PRSS36: variants seen among roughly 807,000 people sequenced by gnomAD.
PRSS36 encodes serine protease 36, also known as polyserase-2.
In PRSS36, 90 loss-of-function variants were observed where a neutral mutation model predicts 94.3. The observed-to-expected ratio is 0.95, with a 90% CI of 0.80 to 1.14. The LOEUF (loss-of-function observed/expected upper bound fraction) is 1.14, where lower values mean the gene tolerates loss of function less well. Among genes scored for constraint, PRSS36 ranks in the 50% most tolerant of loss-of-function variants. The pLI is 0.00. For missense variants in PRSS36, 1,158 were observed against 1,135.0 expected (o/e 1.02, Z -0.29); for synonymous variants, 500 against 489.6 (o/e 1.02, Z -0.28).
intron 14 of PRSS36, among the ~76,000 whole-genome samples, chr16:31,139,757 G>A (rs1053894013): frequency 6.6e-6 from 1 of 151,748 alleles, no homozygotes; most frequent in Non-Finnish European, 1.5e-5. Flanking sequence ...GTGCATGCTT[G>A]TAATCCCAGC....
Position 31,149,279 on chromosome 16 carries a change from C to T in PRSS36, c.110-44G>A, listed in dbSNP as rs201688771. On this transcript the variant is annotated intron_variant, in intron 3 of 14. Coordinates refer to ENST00000268281, the MANE Select transcript of PRSS36 (RefSeq NM_173502.5). Reference sequence around the variant, plus strand: ...GAAGCCAAAGCTCCCCTCGGGTTCCCCACTCCAGAAGCCCAGGTAACTCAG... The same window carrying T: ...GAAGCCAAAGCTCCCCTCGGGTTCCTCACTCCAGAAGCCCAGGTAACTCAG... 985 of 1,524,922 alleles carry T rather than the reference C, an allele frequency of 6.5e-4. 1 individual carries two copies. The highest frequency in any genetic ancestry group is 8.1e-4 in the Non-Finnish European group (915 of 1,133,504). 94.5% of individuals were successfully genotyped at this position (1,524,922 alleles called of 1,614,324 possible).
chr16:31,139,089 G>T lies in PRSS36; in HGVS notation c.*49C>A. On this transcript the variant is annotated 3_prime_UTR_variant, in exon 15 of 15. Coordinates refer to ENST00000268281, the MANE Select transcript of PRSS36 (RefSeq NM_173502.5). ...GGGCCACATTCCAGCCCCACTGGGC[G>T]GGAAGTAGAGGGTGGAGAAGGGGGA... The T allele has an allele frequency of 6.7e-7, 1 of 1,500,284 alleles. No individual in the cohort carries two copies. Among genetic ancestry groups the T allele is most frequent in the South Asian group, 1.4e-5 (1 of 73,786 alleles). 92.9% of individuals were successfully genotyped at this position (1,500,284 alleles called of 1,614,324 possible).
In PRSS36 at chr16:31,141,980, G is replaced by C. The variant is rs1332004211; in HGVS notation, c.1522-20C>G. 2 of 1,605,770 alleles carry C rather than the reference G, an allele frequency of 1.2e-6. No individual in the cohort carries two copies. Among genetic ancestry groups the C allele is most frequent in the South Asian group, 2.2e-5 (2 of 90,910 alleles). On this transcript the variant is annotated intron_variant, in intron 10 of 14. Transcript: ENST00000268281. ...GTCATTCTGCAGCAACAAAGTGTGTGTGTTACTTGCCTCTGCGTGTGTGCA... is the reference window on the plus strand; with the variant it reads ...GTCATTCTGCAGCAACAAAGTGTGTCTGTTACTTGCCTCTGCGTGTGTGCA...
chr16:31,139,035 G>C lies in PRSS36; in HGVS notation c.*103C>G, dbSNP rs991601407. ...TAGCCAGAGCCGCTGCAATCTCGGT[G>C]GGTGGGGCCCTTGAGGTTCCAGCCG... is the stretch of plus-strand genomic sequence containing the variant. On this transcript the variant is annotated 3_prime_UTR_variant, in exon 15 of 15. Transcript: ENST00000268281. 1.6e-4 allele frequency: 221 copies of C among 1,347,134 alleles called. 1 individual carries two copies. Among genetic ancestry groups the C allele is most frequent in the Non-Finnish European group, 2.2e-4 (216 of 987,588 alleles). The allele number at this position is 1,347,134 out of a possible 1,614,324, so 83.4% of individuals were successfully genotyped here.
intron 4 of PRSS36, 40 bp downstream of exon 4, chr16:31,149,033 C>G (rs1280516874): frequency 6.5e-7 from 1 of 1,537,154 alleles, no homozygotes. Flanking sequence ...CGGGGGCCAG[C>G]TTTTGGCGGA....
chr16:31,140,057 A>G (rs1224987446), intron 14 of PRSS36, among the ~76,000 whole-genome samples: 15 of 144,178 alleles, frequency 1.0e-4, no homozygotes, highest in South Asian at 2.2e-4. Context: ...CGGGCGTAGT[A>G]GCGGGTGCCT....
Position 31,142,555 on chromosome 16 carries a change from C to A in PRSS36, c.1447G>T (p.Val483Leu). Residue 483 changes from valine (V) to leucine (L), a missense_variant, in exon 10 of 15, where the codon GTA becomes TTA. Physicochemically the swap from Val to Leu is conservative, Grantham distance 32 (BLOSUM62 1). Transcript: ENST00000268281. The part of the protein sequence containing the change: ...HCLYGRQGAA[V>L]PLPGDPPHAL... ...TGCGGCGGGTCTCCGGGCAGCGGTA[C>A]TGCCGCCCCCTGGCGGCCGTACAGG... 6.6e-7 allele frequency: 1 copy of A among 1,525,870 alleles called. No individual in the cohort carries two copies. Among genetic ancestry groups the A allele is most frequent in the Non-Finnish European group, 8.8e-7 (1 of 1,140,718 alleles). 94.5% of individuals were successfully genotyped at this position (1,525,870 alleles called of 1,614,324 possible). A position where few individuals can be genotyped will look rare whatever the true frequency, so the allele number is the denominator to read the frequency against.
chr16:31,148,444 C>CA lies in PRSS36; in HGVS notation c.503dup (p.His169AlafsTer74). On this transcript the variant is annotated frameshift_variant, in exon 5 of 15. Coordinates refer to ENST00000268281, the MANE Select transcript of PRSS36 (RefSeq NM_173502.5). LOFTEE classifies it high-confidence loss of function. ...CGGTGGCCCAGCAGGCGGTGCCGTG[C>CA]ACGAAGCGGTGTGAGGCGCGGGGCA... 6.4e-7 allele frequency: 1 copy of CA among 1,574,670 alleles called. No individual in the cohort carries two copies. Among genetic ancestry groups the CA allele is most frequent in the African/African-American group, 1.4e-5 (1 of 74,048 alleles).
rs772101611 is a variant in PRSS36 at position 31,139,402 on chromosome 16, C to T, written c.2304G>A (p.Pro768=). 9 of 1,613,638 alleles carry T rather than the reference C, an allele frequency of 5.6e-6. No homozygotes were observed. The highest frequency in any genetic ancestry group is 3.3e-5 in the Admixed American group (2 of 59,976). ...CTTCCGTCATCTGGCACAGGAGGGG[C>T]GGTGCTGAGGTCATCTGCAGAGTTG... ...QENRCEMTSA[P]PLLCQMTEGS... Residue 768 remains proline (P), a synonymous_variant, in exon 15 of 15, where the codon CCG becomes CCA. Transcript: ENST00000268281.
rs1423536680 is a variant in PRSS36 at position 31,142,487 on chromosome 16, G to A, written c.1515C>T (p.Ser505=). 1.4e-6 allele frequency: 2 copies of A among 1,473,438 alleles called. No homozygotes were observed. Among genetic ancestry groups the A allele is most frequent in the South Asian group, 1.3e-5 (1 of 78,466 alleles). The allele number at this position is 1,473,438 out of a possible 1,614,324, so 91.3% of individuals were successfully genotyped here. The change falls in exon 10 of 15, where the codon AGC becomes AGT. Residue 505 remains serine, a synonymous_variant. Transcript: ENST00000268281. The part of the protein sequence containing the change: ...PAYQEKEEVG[S]CWNDSRWSLL... ...CCCCGCCCCCGCCGCTTACCCAGCA[G>A]CTGCCCACCTCCTCCTTTTCCTGGT...
At position 31,139,049 on chromosome 16, in the gene PRSS36, A is replaced by G; in HGVS notation, c.*89T>C. On this transcript the variant is annotated 3_prime_UTR_variant, in exon 15 of 15. Transcript: ENST00000268281. ...GCAATCTCGGTGGGTGGGGCCCTTG[A>G]GGTTCCAGCCGGCTGGGCCACATTC... 1 of 1,411,654 alleles carries G rather than the reference A, an allele frequency of 7.1e-7. No individual in the cohort carries two copies. Among genetic ancestry groups the G allele is most frequent in the Non-Finnish European group, 9.5e-7 (1 of 1,051,992 alleles). 87.4% of individuals were successfully genotyped at this position (1,411,654 alleles called of 1,614,324 possible).
chr16:31,148,607 A>T lies in PRSS36; in HGVS notation c.341T>A (p.Leu114Gln), dbSNP rs1350006585. The T allele has an allele frequency of 6.2e-7, 1 of 1,611,904 alleles. No homozygotes were observed. Among genetic ancestry groups the T allele is most frequent in the Non-Finnish European group, 8.5e-7 (1 of 1,179,430 alleles). Residue 114 changes from leucine (L) to glutamine (Q), a missense_variant, in exon 5 of 15, where the codon CTG (leucine) becomes CAG (glutamine). Physicochemically the swap from Leu to Gln is moderately radical, Grantham distance 113 (BLOSUM62 -2). Coordinates refer to ENST00000268281, the MANE Select transcript of PRSS36 (RefSeq NM_173502.5). ...CACTGCGCGGGTGTGCGCGCCGTCCAGGGGCCCGTCCTGGGAGTGCACGCC... is the reference window on the plus strand; with the variant it reads ...CACTGCGCGGGTGTGCGCGCCGTCCTGGGGCCCGTCCTGGGAGTGCACGCC... ...LLGVHSQDGP[L>Q]DGAHTRAVAA... is the part of the protein sequence containing the mutation.
intron 6 of PRSS36, among the ~76,000 whole-genome samples, chr16:31,145,290 G>A (rs56929325): frequency 0.016 from 2,265 of 140,134 alleles, 44 homozygotes; most frequent in African/African-American, 0.052. Context: ...GGAGAATTGC[G>A]TGAACCCGGG....
At chr16:31,143,941 A>G in intron 6 of PRSS36, 104 bp from the exon 7 acceptor site, 1 of 1,438,722 alleles carries the variant, frequency 7.0e-7, no homozygotes, top group African/African-American at 1.4e-5. Context: ...CCCTTCTCCT[A>G]GAAACCCTCC....
intron 11 of PRSS36, 44 bp downstream of exon 11, chr16:31,141,679 G>A: frequency 6.2e-7 from 1 of 1,608,114 alleles, no homozygotes; most frequent in Non-Finnish European, 8.5e-7. Flanking sequence ...CCATGGGTCT[G>A]TGCACTCCCA....
chr16:31,142,823 G>A lies in PRSS36; in HGVS notation c.1271C>T (p.Ala424Val), dbSNP rs767571013. The A allele has an allele frequency of 2.0e-6, 3 of 1,536,960 alleles. No individual in the cohort carries two copies. The highest frequency in any genetic ancestry group is 2.6e-6 in the Non-Finnish European group (3 of 1,144,456). Residue 424 changes from alanine to valine, a missense_variant, in exon 9 of 15, where the codon GCG (alanine) becomes GTG (valine). By Grantham distance (64) the Ala-to-Val change is moderately conservative. Transcript: ENST00000268281. ...LQLRTPVNLSAASRPVCLPHP... is the reference protein window; with the variant it reads ...LQLRTPVNLSVASRPVCLPHP... ...GGGTAGGCACACGGGCCGCGAAGCC[G>A]CGCTCAGGTTCACGGGCGTGCGCAG...
At position 31,149,226 on chromosome 16, in the gene PRSS36, C is replaced by G. The variant is rs760302885; in HGVS notation, c.119G>C (p.Arg40Pro). 14 of 1,556,400 alleles carry G rather than the reference C, an allele frequency of 9.0e-6. 1 individual carries two copies. The highest frequency in any genetic ancestry group is 2.0e-4 in the Middle Eastern group (1 of 5,112). The part of the protein sequence containing the change: ...QEEPEDLDCG[R>P]PEPSARIVGG... ...CACGATGCGGGCCGAGGGCTCAGGG[C>G]GCCCGCAGTCTGCAACGGGGAGCCG... The change falls in exon 4 of 15, where the codon CGC (arginine) becomes CCC (proline). Residue 40 changes from arginine (R) to proline (P), a missense_variant. By Grantham distance (103) the Arg-to-Pro change is moderately radical (BLOSUM62 -2). Coordinates refer to ENST00000268281, the MANE Select transcript of PRSS36 (RefSeq NM_173502.5).
rs1248088233 is a variant in PRSS36, at chr16:31,149,999, CA to C, written c.36del (p.Val13SerfsTer50). The C allele has an allele frequency of 6.2e-7, 1 of 1,613,986 alleles. No individual in the cohort carries two copies. Among genetic ancestry groups the C allele is most frequent in the East Asian group, 2.2e-5 (1 of 44,892 alleles). On this transcript the variant is annotated frameshift_variant and splice_region_variant, in exon 1 of 15. Coordinates refer to ENST00000268281, the MANE Select transcript of PRSS36 (RefSeq NM_173502.5). LOFTEE classifies it high-confidence loss of function. Reference protein sequence around the residue: ...ARHLLLPLVMLVISPIPGAFQ... With the variant: ...ARHLLLPLVMXVISPIPGAFQ... ...AGCCACTCTTGTCCCCTGAGGTTAC[CA>C]AGCATCACAAGGGGGAGGAGCAGGT... is the stretch of plus-strand genomic sequence containing the variant.
chr16:31,139,547 G>A (rs1567442410), intron 14 of PRSS36, 131 bp from the exon 15 acceptor site: 6 of 1,132,818 alleles, frequency 5.3e-6, no homozygotes, highest in South Asian at 3.2e-5. Flanking sequence ...TTTCTCTCCC[G>A]GGTCCAGCTA....
Sources: gnomAD v4.1 joint callset for allele counts (sites outside exome capture counted in the v4.1 genomes callset) on GRCh38, gnomAD v4.1.1 for gene constraint, MANE v1.5 for transcripts, NCBI Gene and HGNC (gene_info 2026-07-23, HGNC 2026-07-21) for gene names.